Variants in RBFOX1 observed in about 807,000 individuals in gnomAD.
The protein encoded by RBFOX1 is RNA binding protein fox-1 homolog 1.
Under a neutral mutation model 57.7 loss-of-function variants are expected in RBFOX1, and 8 were observed. The ratio of observed to expected loss-of-function variants is 0.14; its 90% CI spans 0.08 to 0.25. The LOEUF is 0.25. RBFOX1 is among the 10% of genes least tolerant of loss of function. The probability of loss-of-function intolerance (pLI) is 1.00; values close to 1 mark genes in which losing one functional copy is unlikely to be tolerated. For missense variants in RBFOX1, 611 were observed against 548.5 expected, an observed-to-expected ratio of 1.11 and a Z score of -1.14; for synonymous variants, 326 against 222.4, an observed-to-expected ratio of 1.47 and a Z score of -4.15.
chr16:7,633,582 C>T (rs958941932), intron 11 of RBFOX1, among the ~76,000 whole-genome samples: 3 of 152,010 alleles, frequency 2.0e-5, no homozygotes, highest in Non-Finnish European at 4.4e-5. Flanking sequence ...CTAATTTTAC[C>T]ACCCCATTAA....
rs549093740 is a variant in RBFOX1, at chr16:6,109,274, T to G, written c.-127+89282T>G. On this transcript the variant is annotated intron_variant, in intron 1 of 15. Coordinates refer to ENST00000550418, the MANE Select transcript of RBFOX1 (RefSeq NM_018723.4). The stretch of plus-strand genomic sequence containing the variant: ...CAGTGAAAAGCATTTCTTGATCATC[T>G]TTGGATCAATATGTAATATTTATAT... Among the ~76,000 whole-genome samples, 39 of 152,300 alleles carry G rather than the reference T, an allele frequency of 2.6e-4. No homozygotes were observed. In the South Asian group the frequency reaches 7.9e-3, roughly 31 times the overall value.
At chr16:5,668,186 C>A (rs1482626898) in intron 3 of RBFOX1, among the ~76,000 whole-genome samples, 5 of 152,090 alleles carry the variant, frequency 3.3e-5, no homozygotes, top group Non-Finnish European at 7.4e-5. Flanking sequence ...GAGGCTGAGG[C>A]AGGAGAATTG....
rs529644752 is a variant in RBFOX1 at position 7,426,630 on chromosome 16, G to A, written c.28-91517G>A. ...TAAAATTAGGCGCACGCTGTGCTGC[G>A]TGGCTGTCTTGGTCTTGGAGGTTGT... On this transcript the variant is annotated intron_variant, in intron 4 of 15. Coordinates refer to ENST00000550418, the MANE Select transcript of RBFOX1 (RefSeq NM_018723.4). Among the ~76,000 whole-genome samples the A allele has an allele frequency of 4.6e-5, 7 of 152,306 alleles. No individual in the cohort carries two copies. In the South Asian group the frequency reaches 8.3e-4, roughly 18 times the overall value.
chr16:6,132,526 T>C (rs575798724), intron 1 of RBFOX1, among the ~76,000 whole-genome samples: 2 of 152,264 alleles, frequency 1.3e-5, no homozygotes, highest in Admixed American at 1.3e-4. Flanking sequence ...TAGCCTTCTC[T>C]TTCCTGACCA....
intron 3 of RBFOX1, among the ~76,000 whole-genome samples, chr16:5,740,426 A>G (rs2052731688): frequency 6.6e-6 from 1 of 152,234 alleles, no homozygotes; most frequent in African/African-American, 2.4e-5. Context: ...AGACTTGCAT[A>G]TTGGACACTA....
chr16:7,477,688 C>T (rs1179216834), intron 4 of RBFOX1, among the ~76,000 whole-genome samples: 2 of 152,100 alleles, frequency 1.3e-5, no homozygotes, highest in Admixed American at 1.3e-4. Flanking sequence ...GGTTTTAATT[C>T]CTTGGGCCCT....
At chr16:6,033,660 A>G (rs906881138) in intron 1 of RBFOX1, among the ~76,000 whole-genome samples, 1 of 152,182 alleles carries the variant, frequency 6.6e-6, no homozygotes, top group Admixed American at 6.5e-5. Flanking sequence ...ATAGTATTCC[A>G]TTGCACATGC....
At chr16:6,805,910 T>C (rs375484581) in intron 3 of RBFOX1, among the ~76,000 whole-genome samples, 83 of 152,308 alleles carry the variant, frequency 5.4e-4, no homozygotes, top group African/African-American at 1.9e-3. Flanking sequence ...CTGTTGTATC[T>C]TCTTTACTCA....
At chr16:6,257,441 A>G (rs1482380813) in intron 1 of RBFOX1, among the ~76,000 whole-genome samples, 1 of 151,806 alleles carries the variant, frequency 6.6e-6, no homozygotes, top group African/African-American at 2.4e-5. Context: ...TAAACTTTTA[A>G]GTTCAGGGGC....
intron 3 of RBFOX1, among the ~76,000 whole-genome samples, chr16:5,679,079 A>G (rs1827501027): frequency 6.6e-6 from 1 of 152,208 alleles, no homozygotes; most frequent in African/African-American, 2.4e-5. Context: ...ATCTCAATTC[A>G]TTACTCCATT....
intron 3 of RBFOX1, among the ~76,000 whole-genome samples, chr16:5,729,073 C>A (rs557025828): frequency 2.5e-4 from 38 of 152,350 alleles, no homozygotes; most frequent in Middle Eastern, 6.8e-3. Flanking sequence ...GCCAGGGAGG[C>A]AGTGATGTAT....
At chr16:6,334,096 C>T (rs2083354373) in intron 2 of RBFOX1, among the ~76,000 whole-genome samples, 1 of 152,080 alleles carries the variant, frequency 6.6e-6, no homozygotes, top group South Asian at 2.1e-4. Flanking sequence ...AAGGAAATAA[C>T]AACTTGGAGA....
In RBFOX1 at chr16:6,518,797, G is replaced by GTCTGTCTGTCTA. The variant is rs1278136972; in HGVS notation, c.-63-135803_-63-135802insGTCTGTCTATCT. 1.5e-3 allele frequency among the ~76,000 whole-genome samples: 158 copies of GTCTGTCTGTCTA among 104,062 alleles called. 1 individual carries two copies. The highest frequency in any genetic ancestry group is 5.3e-3 in the East Asian group (18 of 3,406). The allele number at this position is 104,062 out of a possible 152,430, so 68.3% of individuals were successfully genotyped here. On this transcript the variant is annotated intron_variant, in intron 2 of 15. Coordinates refer to ENST00000550418, the MANE Select transcript of RBFOX1 (RefSeq NM_018723.4). ...CATCTGTCTGTCTGTCTGTGTGTCT[G>GTCTGTCTGTCTA]TCTATCTATCTATCTATCTATCTAT...
intron 3 of RBFOX1, among the ~76,000 whole-genome samples, chr16:5,808,502 C>T (rs2055307843): frequency 6.6e-6 from 1 of 152,168 alleles, no homozygotes; most frequent in Admixed American, 6.5e-5. Flanking sequence ...CTATCAATTA[C>T]CTTGGGCAGT....
At chr16:6,490,322 C>A (rs1567415530) in intron 2 of RBFOX1, among the ~76,000 whole-genome samples, 1 of 152,086 alleles carries the variant, frequency 6.6e-6, no homozygotes, top group Non-Finnish European at 1.5e-5. Context: ...AAGTAGAGAG[C>A]GTCAATGAAC....
chr16:6,077,684 T>TTTTTTTTATTTATTTA (rs1555499152), intron 1 of RBFOX1, among the ~76,000 whole-genome samples: 6 of 142,652 alleles, frequency 4.2e-5, no homozygotes, highest in Admixed American at 7.2e-5. Flanking sequence ...CTTCTTTTAT[T>TTTTTTTTATTTATTTA]TTTACTTATT....
chr16:5,487,669 A>T (rs77166798), intron 2 of RBFOX1, among the ~76,000 whole-genome samples: 3,958 of 152,308 alleles, frequency 0.026, 175 homozygotes, highest in African/African-American at 0.09. Flanking sequence ...AGCAAGGCAC[A>T]ACTAATGGTT....
At chr16:7,674,288 C>T (rs781005447) in intron 13 of RBFOX1, among the ~76,000 whole-genome samples, 1 of 152,144 alleles carries the variant, frequency 6.6e-6, no homozygotes, top group Non-Finnish European at 1.5e-5. Flanking sequence ...ATCCTTTGGC[C>T]ACCAGTCCCC....
chr16:6,266,494 A>G (rs1475115246), intron 1 of RBFOX1, among the ~76,000 whole-genome samples: 1 of 152,104 alleles, frequency 6.6e-6, no homozygotes, highest in Admixed American at 6.6e-5. Flanking sequence ...CAGGCAGATC[A>G]CTTGAGGTCA....
Sources: gnomAD v4.1 joint callset for allele counts (sites outside exome capture counted in the v4.1 genomes callset) on GRCh38, gnomAD v4.1.1 for gene constraint, MANE v1.5 for transcripts, NCBI Gene and HGNC (gene_info 2026-07-23, HGNC 2026-07-21) for gene names.